The following GSK3B variants were observed in gnomAD, a reference collection of about 807,000 sequenced individuals.
GSK3B encodes the protein glycogen synthase kinase 3 beta.
A neutral mutation model predicts 56.4 loss-of-function variants in GSK3B; 15 were observed. The observed-to-expected ratio is 0.27, with a 90% CI of 0.18 to 0.41. The LOEUF is 0.41. Among genes scored for constraint, GSK3B ranks in the 10% least tolerant of loss-of-function variants. The pLI, the probability that GSK3B is intolerant of heterozygous loss-of-function variation, is 1.00. For synonymous variants in GSK3B, 181 were observed against 188.9 expected, an observed-to-expected ratio of 0.96 and a Z score of 0.34; for missense variants, 300 against 513.4, an observed-to-expected ratio of 0.58 and a Z score of 4.02.
intron 2 of GSK3B, among the ~76,000 whole-genome samples, chr3:119,982,533 G>A (rs2057473397): frequency 1.3e-5 from 2 of 152,134 alleles, no homozygotes; most frequent in South Asian, 4.2e-4. Context: ...AACTGATGGA[G>A]CTGAAAATCA....
intron 1 of GSK3B, among the ~76,000 whole-genome samples, chr3:120,038,282 A>T (rs1248869813): frequency 6.6e-6 from 1 of 152,226 alleles, no homozygotes; most frequent in African/African-American, 2.4e-5. Flanking sequence ...TGTGCCACTG[A>T]GGCCAGGCAT....
At chr3:119,848,381 TCA>T (rs1445236094) in intron 9 of GSK3B, among the ~76,000 whole-genome samples, 1 of 152,172 alleles carries the variant, frequency 6.6e-6, no homozygotes, top group African/African-American at 2.4e-5. Context: ...CTTTGGCAAT[TCA>T]CAGATACAGC....
chr3:119,948,947 C>G lies in GSK3B; in HGVS notation c.283-1596G>C, dbSNP rs567717880. ...GAACTCCTGACCTCAGACAATCCAC[C>G]TGCCTCAGCCTCCCAAAGTGCTGGG... On this transcript the variant is annotated intron_variant, in intron 2 of 10. Coordinates refer to ENST00000264235, the MANE Select transcript of GSK3B (RefSeq NM_001146156.2). Among the ~76,000 whole-genome samples the G allele has an allele frequency of 2.4e-4, 36 of 152,332 alleles. 1 individual carries two copies. In the South Asian group the frequency reaches 6.8e-3, roughly 29 times the overall value.
chr3:119,888,488 T>C (rs920108651), intron 7 of GSK3B, among the ~76,000 whole-genome samples: 6 of 151,294 alleles, frequency 4.0e-5, no homozygotes, highest in African/African-American at 1.5e-4. Flanking sequence ...TTTTTTTACT[T>C]TAATCTCTTA....
At chr3:119,855,431 A>G (rs1194036441) in intron 9 of GSK3B, among the ~76,000 whole-genome samples, 1 of 152,238 alleles carries the variant, frequency 6.6e-6, no homozygotes, top group African/African-American at 2.4e-5. Context: ...CGATTCCTCA[A>G]GGATCTAGAA....
intron 2 of GSK3B, among the ~76,000 whole-genome samples, chr3:119,984,074 A>G (rs538847315): frequency 7.5e-4 from 114 of 152,368 alleles, no homozygotes; most frequent in African/African-American, 2.6e-3. Context: ...GCACAACTGC[A>G]TGGAAACTGA....
chr3:119,904,920 AGAAT>A (rs546978453), intron 7 of GSK3B, among the ~76,000 whole-genome samples: 1 of 151,586 alleles, frequency 6.6e-6, no homozygotes. Context: ...CTGAAACCTT[AGAAT>A]GAAACAATCT....
chr3:119,965,608 G>A (rs1214087486), intron 2 of GSK3B, among the ~76,000 whole-genome samples: 3 of 151,576 alleles, frequency 2.0e-5, no homozygotes, highest in Admixed American at 6.6e-5. Context: ...TGAATTCTTT[G>A]ATTTTTGTAC....
At chr3:120,013,412 G>A (rs964843270) in intron 1 of GSK3B, among the ~76,000 whole-genome samples, 3 of 152,170 alleles carry the variant, frequency 2.0e-5, no homozygotes, top group African/African-American at 7.2e-5. Context: ...CTTTGTAACT[G>A]AGGTGCTTTT....
At chr3:120,069,429 T>C (rs954105565) in intron 1 of GSK3B, among the ~76,000 whole-genome samples, 1 of 152,204 alleles carries the variant, frequency 6.6e-6, no homozygotes, top group African/African-American at 2.4e-5. Context: ...TTCACGGTAC[T>C]GAATGGTCCC....
At chr3:119,842,548 T>A (rs57939147) in intron 10 of GSK3B, among the ~76,000 whole-genome samples, 36,777 of 152,042 alleles carry the variant, frequency 0.24, 4,898 homozygotes, top group East Asian at 0.48. Flanking sequence ...TATTTATATG[T>A]TTTCAGCTAT....
intron 4 of GSK3B, among the ~76,000 whole-genome samples, chr3:119,917,134 A>C (rs1282613942): frequency 6.6e-6 from 1 of 151,996 alleles, no homozygotes; most frequent in Admixed American, 6.5e-5. Flanking sequence ...CTTGGTAAAA[A>C]AACAATTAAA....
At chr3:119,966,274 T>C (rs561821417) in intron 2 of GSK3B, among the ~76,000 whole-genome samples, 4 of 152,336 alleles carry the variant, frequency 2.6e-5, no homozygotes, top group Non-Finnish European at 5.9e-5. Context: ...CTTGATAGAT[T>C]ATCCCAAGCT....
intron 2 of GSK3B, among the ~76,000 whole-genome samples, chr3:119,962,481 T>C (rs2057281876): frequency 6.6e-6 from 1 of 151,964 alleles, no homozygotes; most frequent in African/African-American, 2.4e-5. Flanking sequence ...TATGAACAAT[T>C]AGGCAAGAAT....
intron 1 of GSK3B, among the ~76,000 whole-genome samples, chr3:120,090,374 G>T (rs1448829110): frequency 1.3e-5 from 2 of 152,078 alleles, no homozygotes; most frequent in Non-Finnish European, 2.9e-5. Context: ...AAATATCATT[G>T]CCAGTAACTA....
At chr3:119,982,590 C>A (rs1042024437) in intron 2 of GSK3B, among the ~76,000 whole-genome samples, 1 of 152,010 alleles carries the variant, frequency 6.6e-6, no homozygotes, top group Non-Finnish European at 1.5e-5. Flanking sequence ...ATAGCTGATT[C>A]GATCAAGTGG....
intron 9 of GSK3B, among the ~76,000 whole-genome samples, chr3:119,844,880 A>G (rs567863740): frequency 3.3e-5 from 5 of 152,352 alleles, no homozygotes; most frequent in African/African-American, 7.2e-5. Flanking sequence ...TCAGGCCAAT[A>G]TATCTGATGA....
intron 8 of GSK3B, among the ~76,000 whole-genome samples, chr3:119,873,540 A>AT (rs891016712): frequency 3.3e-5 from 5 of 152,044 alleles, no homozygotes; most frequent in African/African-American, 7.2e-5. Context: ...GACATTCTAT[A>AT]TGGTTTTTAA....
chr3:119,891,536 A>C (rs2056502113), intron 7 of GSK3B, among the ~76,000 whole-genome samples: 1 of 152,164 alleles, frequency 6.6e-6, no homozygotes, highest in South Asian at 2.1e-4. Flanking sequence ...TAGATAAAAA[A>C]GATGTTTGAC....
Sources: allele counts gnomAD v4.1 joint callset (sites outside exome capture counted in the v4.1 genomes callset), GRCh38; gene constraint gnomAD v4.1.1; transcripts MANE v1.5; gene names NCBI Gene and HGNC (gene_info 2026-07-23, HGNC 2026-07-21).